REV3L: variants seen among roughly 807,000 people sequenced by gnomAD.
The protein encoded by REV3L is REV3 like, DNA directed polymerase zeta catalytic subunit, also known as DNA polymerase zeta catalytic subunit.
REV3L carries 69 observed loss-of-function variants against 299.4 expected under a neutral mutation model. The ratio of observed to expected loss-of-function variants is 0.23; its 90% confidence interval spans 0.19 to 0.28. The LOEUF (loss-of-function observed/expected upper bound fraction) is 0.28. Among genes scored for constraint, REV3L ranks in the 10% least tolerant of loss-of-function variants. REV3L has a pLI of 1.00. For missense variants in REV3L, 3,128 were observed against 3,693.8 expected, an observed-to-expected ratio of 0.85 and a Z score of 3.97; for synonymous variants, 1,238 against 1,271.4, an observed-to-expected ratio of 0.97 and a Z score of 0.56.
chr6:111,305,081 ACAGGCATGTGC>A (rs1262720236), intron 31 of REV3L, among the ~76,000 whole-genome samples: 5 of 151,636 alleles, frequency 3.3e-5, no homozygotes, highest in Non-Finnish European at 7.4e-5. Context: ...AGCTGGGATT[ACAGGCATGTGC>A]CACCACGCCT....
chr6:111,353,276 T>G (rs1272833787), intron 18 of REV3L, among the ~76,000 whole-genome samples: 1 of 152,212 alleles, frequency 6.6e-6, no homozygotes, highest in Non-Finnish European at 1.5e-5. Flanking sequence ...TATGTTAATA[T>G]TTTATCATAA....
At chr6:111,372,372 A>G (rs1779885746) in intron 13 of REV3L, among the ~76,000 whole-genome samples, 1 of 152,238 alleles carries the variant, frequency 6.6e-6, no homozygotes, top group Non-Finnish European at 1.5e-5. Context: ...GTCAACTTAA[A>G]TAAATTTCTC....
chr6:111,405,656 C>T, intron 3 of REV3L, 26 bp from the exon 4 acceptor site: 2 of 1,490,078 alleles, frequency 1.3e-6, no homozygotes, highest in Non-Finnish European at 1.8e-6. Context: ...AAAGTTTTAT[C>T]ATAAAATTAT....
At chr6:111,405,749 A>G (rs1783552680) in intron 3 of REV3L, 119 bp from the exon 4 acceptor site, 2 of 605,762 alleles carry the variant, frequency 3.3e-6, no homozygotes, top group South Asian at 2.7e-5. Flanking sequence ...TTCCATCTCA[A>G]TTTTACCGGA....
At chr6:111,479,749 G>A (rs1036145987) in intron 1 of REV3L, among the ~76,000 whole-genome samples, 4 of 151,996 alleles carry the variant, frequency 2.6e-5, no homozygotes, top group South Asian at 2.1e-4. Flanking sequence ...GGGTTCAAGC[G>A]ATCCTCCTGC....
In REV3L at chr6:111,374,142, T is replaced by G; in HGVS notation, c.4213A>C (p.Asn1405His). ...SSIGKLSEYR[N>H]SLESKLDQAY... ...TGGTCCAGCTTTGATTCTAGGGAAT[T>G]GCGATATTCACTTAACTTTCCGATT... is the stretch of plus-strand genomic sequence containing the variant. Residue 1405 changes from asparagine (N) to histidine (H), a missense_variant, in exon 13 of 32, where the codon AAT becomes CAT. Asn to His is a moderately conservative substitution (Grantham distance 68). Transcript: ENST00000368802. The G allele has an allele frequency of 6.2e-7, 1 of 1,614,080 alleles. No homozygotes were observed. The highest frequency in any genetic ancestry group is 8.5e-7 in the Non-Finnish European group (1 of 1,179,938).
chr6:111,322,418 T>C, intron 26 of REV3L, 151 bp downstream of exon 26: 1 of 590,922 alleles, frequency 1.7e-6, no homozygotes, highest in Non-Finnish European at 3.0e-6. Flanking sequence ...TAAATCAGGA[T>C]CTGTGTTAAC....
chr6:111,381,009 T>C (rs1006664529), intron 10 of REV3L, among the ~76,000 whole-genome samples: 5 of 152,240 alleles, frequency 3.3e-5, no homozygotes, highest in African/African-American at 9.6e-5. Flanking sequence ...GAACCACTTA[T>C]GGTGTTTTAG....
At position 111,403,518 on chromosome 6, in the gene REV3L, T is replaced by C. The variant is rs1582860941; in HGVS notation, c.565+1952A>G. On this transcript the variant is annotated intron_variant, in intron 4 of 31. Transcript: ENST00000368802. Reference sequence around the variant, plus strand: ...TTCCTCTTGCAATATTTCAAACCTGTGAACAGTGATCTCTGATGTTACTAT... The same window carrying C: ...TTCCTCTTGCAATATTTCAAACCTGCGAACAGTGATCTCTGATGTTACTAT... Among the ~76,000 whole-genome samples the C allele has an allele frequency of 4.6e-5, 7 of 152,314 alleles. No homozygotes were observed. The South Asian group carries it at 1.4e-3, about 32-fold the overall frequency.
chr6:111,375,000 T>C lies in REV3L; in HGVS notation c.3355A>G (p.Ser1119Gly), dbSNP rs144404854. 1,531 of 1,613,280 alleles carry C rather than the reference T, an allele frequency of 9.5e-4. 4 individuals are homozygous for C. Among genetic ancestry groups the C allele is most frequent in the South Asian group, 1.2e-3 (110 of 90,748 alleles). Reference sequence around the variant, plus strand: ...CGAGGTGGAGAAGAATTTATGGGACTTGTGCTTCTCTCAGAAAGAAAACCT... The same window carrying C: ...CGAGGTGGAGAAGAATTTATGGGACCTGTGCTTCTCTCAGAAAGAAAACCT... ...KLGFLSERST[S>G]PINSSPPRCW... Residue 1119 changes from serine (S) to glycine (G), a missense_variant, in exon 13 of 32, where the codon AGT becomes GGT. By Grantham distance (56) the Ser-to-Gly change is moderately conservative. This residue lies in a region of REV3L where 2,409 missense variants were observed against 2,611.8 expected (regional missense o/e 0.92). Coordinates refer to ENST00000368802, the MANE Select transcript of REV3L (RefSeq NM_001372078.1).
chr6:111,474,329 G>A (rs1792639175), intron 1 of REV3L, among the ~76,000 whole-genome samples: 1 of 152,178 alleles, frequency 6.6e-6, no homozygotes, highest in Non-Finnish European at 1.5e-5. Context: ...TGGGCCACCA[G>A]AGACACCCTC....
At chr6:111,452,724 G>A (rs556906201) in intron 1 of REV3L, among the ~76,000 whole-genome samples, 1 of 152,234 alleles carries the variant, frequency 6.6e-6, no homozygotes, top group Non-Finnish European at 1.5e-5. Context: ...CTGTGGTGAT[G>A]ATGGTTATAT....
chr6:111,362,692 G>T (rs1582688071), intron 16 of REV3L, among the ~76,000 whole-genome samples: 1 of 152,060 alleles, frequency 6.6e-6, no homozygotes, highest in African/African-American at 2.4e-5. Flanking sequence ...TCTTTGAAAT[G>T]AGTATGTACT....
chr6:111,387,695 T>C, intron 9 of REV3L, 70 bp downstream of exon 9: 1 of 1,433,740 alleles, frequency 7.0e-7, no homozygotes, highest in Non-Finnish European at 9.6e-7. Flanking sequence ...GCAAACTCAA[T>C]CAAATATTAA....
At chr6:111,467,983 T>C (rs1214373827) in intron 1 of REV3L, among the ~76,000 whole-genome samples, 1 of 152,182 alleles carries the variant, frequency 6.6e-6, no homozygotes, top group African/African-American at 2.4e-5. Context: ...TCTTCTAAGT[T>C]ACACAGAGTA....
chr6:111,307,789 C>A, intron 30 of REV3L: 1 of 537,466 alleles, frequency 1.9e-6, no homozygotes, highest in Admixed American at 3.4e-5. Flanking sequence ...TTAATATTAT[C>A]AGATACATTT....
rs532052968 is a variant in REV3L at position 111,468,075 on chromosome 6, A to G, written c.139+14675T>C. ...ATCCTACTCCTTGGACTGCCCGGTC[A>G]AAACGACTGATGTCATAATAAAACC... On this transcript the variant is annotated intron_variant, in intron 1 of 31. Transcript: ENST00000368802. 6.6e-5 allele frequency among the ~76,000 whole-genome samples: 10 copies of G among 152,354 alleles called. No homozygotes were observed. The East Asian group carries it at 1.9e-3, about 29-fold the overall frequency.
At chr6:111,392,811 C>A in intron 5 of REV3L, 65 bp downstream of exon 5, 5 of 994,894 alleles carry the variant, frequency 5.0e-6, no homozygotes, top group Non-Finnish European at 7.9e-6. Context: ...TTATGGTAAC[C>A]ACTGATTTCT....
At chr6:111,479,460 G>A (rs1388304224) in intron 1 of REV3L, among the ~76,000 whole-genome samples, 1 of 150,396 alleles carries the variant, frequency 6.6e-6, no homozygotes, top group Non-Finnish European at 1.5e-5. Context: ...GTTGGCAAGG[G>A]ATTAAATCAG....
Sources: allele counts gnomAD v4.1 joint callset (sites outside exome capture counted in the v4.1 genomes callset), GRCh38; gene constraint gnomAD v4.1.1; regional missense constraint gnomAD v4.1.1; transcripts MANE v1.5; gene names NCBI Gene and HGNC (gene_info 2026-07-23, HGNC 2026-07-21).